The following RYR3 variants were observed in gnomAD, a reference collection of about 807,000 sequenced individuals.
RYR3 encodes the protein brain ryanodine receptor-calcium release channel.
In RYR3, 207 loss-of-function variants were observed where a neutral mutation model predicts 584.3. The ratio of observed to expected loss-of-function variants is 0.35; its 90% CI spans 0.32 to 0.40. The LOEUF is 0.40. RYR3 is among the 10% of genes least tolerant of loss of function. RYR3 has a pLI of 1.00. For missense variants in RYR3, 5,616 were observed against 6,089.2 expected (o/e 0.92, Z 2.59); for synonymous variants, 2,416 against 2,248.5 (o/e 1.07, Z -2.11).
chr15:33,488,103 C>T (rs1179574608), intron 2 of RYR3, among the ~76,000 whole-genome samples: 1 of 152,214 alleles, frequency 6.6e-6, no homozygotes, highest in Non-Finnish European at 1.5e-5. Context: ...TGTCCTCCTT[C>T]CTACTTGAGT....
intron 1 of RYR3, among the ~76,000 whole-genome samples, chr15:33,414,875 G>A (rs778045573): frequency 1.3e-5 from 2 of 152,214 alleles, no homozygotes; most frequent in Non-Finnish European, 2.9e-5. Context: ...TTACAGGCGT[G>A]AGCCACCGCG....
At chr15:33,376,042 G>C (rs570782701) in intron 1 of RYR3, among the ~76,000 whole-genome samples, 2,797 of 152,150 alleles carry the variant, frequency 0.018, 47 homozygotes, top group Middle Eastern at 0.044. Flanking sequence ...CCAGCCTGGG[G>C]AACAGAGTGC....
At chr15:33,325,882 G>A (rs1481861155) in intron 1 of RYR3, among the ~76,000 whole-genome samples, 3 of 151,806 alleles carry the variant, frequency 2.0e-5, no homozygotes, top group Non-Finnish European at 4.4e-5. Context: ...CCCCACTGCA[G>A]CCTCCATCTC....
intron 8 of RYR3, among the ~76,000 whole-genome samples, chr15:33,546,588 T>G (rs2056257498): frequency 6.6e-6 from 1 of 152,208 alleles, no homozygotes; most frequent in African/African-American, 2.4e-5. Flanking sequence ...TCTATGCATG[T>G]TTATAAACAT....
At chr15:33,824,518 C>G (rs2077274946) in intron 81 of RYR3, among the ~76,000 whole-genome samples, 1 of 152,120 alleles carries the variant, frequency 6.6e-6, no homozygotes, top group South Asian at 2.1e-4. Flanking sequence ...GACGGCTAAA[C>G]CAAAGTAGAA....
rs1288613981 is a variant in RYR3, at chr15:33,527,902, C to T, written c.280-2690C>T. Among the ~76,000 whole-genome samples the T allele has an allele frequency of 2.6e-5, 4 of 152,244 alleles. No individual in the cohort carries two copies. The East Asian group carries it at 7.7e-4, about 29-fold the overall frequency. ...CCTGGTGGCAATAGAATGGACTAGACTGGCAGGCGCAAGGTGCTGAGTAGT... is the reference window on the plus strand; with the variant it reads ...CCTGGTGGCAATAGAATGGACTAGATTGGCAGGCGCAAGGTGCTGAGTAGT... On this transcript the variant is annotated intron_variant, in intron 3 of 103. Transcript: ENST00000634891.
At chr15:33,507,235 T>A (rs561414953) in intron 3 of RYR3, among the ~76,000 whole-genome samples, 1 of 152,326 alleles carries the variant, frequency 6.6e-6, no homozygotes, top group East Asian at 1.9e-4. Context: ...GCAATTTCTC[T>A]TGCTAACAAA....
Position 33,725,976 on chromosome 15 carries a change from C to CGCCAA in RYR3, c.6913-410_6913-409insGCCAA, listed in dbSNP as rs1555427643. 6.3e-3 allele frequency among the ~76,000 whole-genome samples: 200 copies of CGCCAA among 31,522 alleles called. 50 individuals are homozygous for CGCCAA. In the Middle Eastern group the frequency reaches 0.088, roughly 14 times the overall value. 20.7% of individuals were successfully genotyped at this position (31,522 alleles called of 152,430 possible). A position where few individuals can be genotyped will look rare whatever the true frequency, so the allele number is the denominator to read the frequency against. On this transcript the variant is annotated intron_variant, in intron 45 of 103. Transcript: ENST00000634891. Reference sequence around the variant, plus strand: ...CAGAGCAAGACTCCATCCCCCCCCCCAAAAAAAAAAAAAAAAAAAAACAGA... The same window carrying CGCCAA: ...CAGAGCAAGACTCCATCCCCCCCCCCGCCAAAAAAAAAAAAAAAAAAAAAAACAGA...
At position 33,755,085 on chromosome 15, in the gene RYR3, T is replaced by C. The variant is rs770470815; in HGVS notation, c.8420T>C (p.Leu2807Pro). 4 of 1,610,432 alleles carry C rather than the reference T, an allele frequency of 2.5e-6. No homozygotes were observed. Among genetic ancestry groups the C allele is most frequent in the Non-Finnish European group, 3.4e-6 (4 of 1,177,142 alleles). The change falls in exon 58 of 104, where the codon CTG becomes CCG. Residue 2807 changes from leucine (L) to proline (P), a missense_variant. Physicochemically the swap from Leu to Pro is moderately conservative, Grantham distance 98. Around this residue, in one of 9 missense-constraint regions of RYR3, gnomAD observed 1,280 missense variants for 1,426.2 expected, o/e 0.90. Coordinates refer to ENST00000634891, the MANE Select transcript of RYR3 (RefSeq NM_001036.6). ...IVSRGMKDME[L>P]DASSMEKRFA... ...CGTAGGGGTATGAAGGATATGGAGC[T>C]GGATGCCTCCTCCATGGAGAAGAGG...
chr15:33,769,836 C>A (rs968621768), intron 62 of RYR3, among the ~76,000 whole-genome samples: 1 of 152,096 alleles, frequency 6.6e-6, no homozygotes, highest in Non-Finnish European at 1.5e-5. Flanking sequence ...GTAGTCCCAA[C>A]TACTCGGGTG....
At chr15:33,448,941 A>G (rs28642362) in intron 1 of RYR3, among the ~76,000 whole-genome samples, 3,146 of 152,214 alleles carry the variant, frequency 0.021, 54 homozygotes, top group Non-Finnish European at 0.026. Flanking sequence ...AGGTTTAGAA[A>G]GGGAAGTGGT....
At chr15:33,861,964 C>G (rs1177197613) in intron 102 of RYR3, among the ~76,000 whole-genome samples, 1 of 152,038 alleles carries the variant, frequency 6.6e-6, no homozygotes, top group Non-Finnish European at 1.5e-5. Flanking sequence ...TGCCTGGCAC[C>G]CAGTAGGCAA....
Position 33,696,288 on chromosome 15 carries a change from G to C in RYR3, c.5931G>C (p.Glu1977Asp). 1 of 1,613,442 alleles carries C rather than the reference G, an allele frequency of 6.2e-7. No homozygotes were observed. The highest frequency in any genetic ancestry group is 8.5e-7 in the Non-Finnish European group (1 of 1,179,542). ...AGGAGGACCAGATCCAGGATTCAGA[G>C]CTGGTCCGAATGATGTTCAACCTCC... ...WAQEDQIQDS[E>D]LVRMMFNLLR... is the part of the protein sequence containing the mutation. Residue 1977 changes from glutamate (E) to aspartate (D), a missense_variant, in exon 39 of 104, where the codon GAG becomes GAC. This residue lies in a region of RYR3 where 1,280 missense variants were observed against 1,426.2 expected (regional missense o/e 0.90). Transcript: ENST00000634891.
intron 2 of RYR3, among the ~76,000 whole-genome samples, chr15:33,476,522 A>G (rs1191299972): frequency 1.3e-5 from 2 of 152,136 alleles, no homozygotes; most frequent in Non-Finnish European, 1.5e-5. Context: ...TTGTACTCAT[A>G]CTGGTTATTC....
chr15:33,364,143 G>T (rs1975152447), intron 1 of RYR3, among the ~76,000 whole-genome samples: 1 of 152,088 alleles, frequency 6.6e-6, no homozygotes, highest in African/African-American at 2.4e-5. Context: ...TGGATATATT[G>T]TGCTAAGTAA....
chr15:33,571,399 T>G (rs887091261), intron 12 of RYR3, among the ~76,000 whole-genome samples: 2 of 152,200 alleles, frequency 1.3e-5, no homozygotes, highest in Non-Finnish European at 2.9e-5. Flanking sequence ...GAGAATCGGG[T>G]ATTGATGTTT....
intron 20 of RYR3, among the ~76,000 whole-genome samples, chr15:33,625,169 A>C (rs910750837): frequency 1.3e-5 from 2 of 152,170 alleles, no homozygotes; most frequent in Non-Finnish European, 2.9e-5. Flanking sequence ...CAGGAGAGAG[A>C]GAGCGAATGG....
chr15:33,719,873 C>T (rs977589853), intron 43 of RYR3, among the ~76,000 whole-genome samples: 23 of 152,158 alleles, frequency 1.5e-4, no homozygotes, highest in African/African-American at 4.6e-4. Flanking sequence ...TCCTTGGTTT[C>T]TCTTTTTCCA....
chr15:33,625,379 G>A (rs2060933212), intron 20 of RYR3, among the ~76,000 whole-genome samples: 1 of 152,150 alleles, frequency 6.6e-6, no homozygotes. Flanking sequence ...GTATTTCTCT[G>A]CCTGCTTCAC....
Sources: gnomAD v4.1 joint callset for allele counts (sites outside exome capture counted in the v4.1 genomes callset) on GRCh38, gnomAD v4.1.1 for gene constraint, gnomAD v4.1.1 regional missense constraint, MANE v1.5 for transcripts, NCBI Gene and HGNC (gene_info 2026-07-23, HGNC 2026-07-21) for gene names.